The following ZNF341 variants were observed in gnomAD, a reference collection of about 807,000 sequenced individuals.
ZNF341 encodes zinc finger protein 341.
A neutral mutation model predicts 87.7 loss-of-function variants in ZNF341; 52 were observed. The ratio of observed to expected loss-of-function variants is 0.59; its 90% CI spans 0.47 to 0.75. ZNF341 has a LOEUF of 0.75. Ranked by LOEUF, ZNF341 falls within the 30% of genes least tolerant of loss-of-function variation. The pLI is 0.00. For synonymous variants in ZNF341, 459 were observed against 472.7 expected, an observed-to-expected ratio of 0.97 and a Z score of 0.38; for missense variants, 977 against 1,145.9, an observed-to-expected ratio of 0.85 and a Z score of 2.13.
chr20:33,771,526 G>T (rs997525571), intron 10 of ZNF341, among the ~76,000 whole-genome samples: 1 of 151,988 alleles, frequency 6.6e-6, no homozygotes, highest in Non-Finnish European at 1.5e-5. Context: ...GATTACAGGC[G>T]TGAGCCACTG....
Position 33,791,690 on chromosome 20 carries a change from C to G in ZNF341, c.*173C>G. On this transcript the variant is annotated 3_prime_UTR_variant, in exon 15 of 15. Coordinates refer to ENST00000375200, the MANE Select transcript of ZNF341 (RefSeq NM_001282933.2). ...CCCATGGTCGCCCTCCTGTGCCCCT[C>G]TCCTGCCGGAAAGCCCTGCAACATT... The G allele has an allele frequency of 1.4e-6, 1 of 725,150 alleles. No homozygotes were observed. The highest frequency in any genetic ancestry group is 2.1e-6 in the Non-Finnish European group (1 of 467,870). 44.9% of individuals were successfully genotyped at this position (725,150 alleles called of 1,614,324 possible).
chr20:33,787,627 T>C (rs2019895580), intron 12 of ZNF341: 1 of 152,206 alleles, frequency 6.6e-6, no homozygotes, highest in Non-Finnish European at 1.5e-5. Flanking sequence ...AGGCAAGAGC[T>C]GCCCCAGGAC....
At chr20:33,764,561 A>ATATATATATATATATATATATTTT (rs1266929824) in intron 8 of ZNF341, among the ~76,000 whole-genome samples, 3 of 28,412 alleles carry the variant, frequency 1.1e-4, no homozygotes, top group Non-Finnish European at 1.3e-4. Flanking sequence ...ATATATATAT[A>ATATATATATATATATATATATTTT]TTTTTTTTTT....
At chr20:33,774,499 A>G (rs2019592464) in intron 10 of ZNF341, among the ~76,000 whole-genome samples, 1 of 152,224 alleles carries the variant, frequency 6.6e-6, no homozygotes, top group Admixed American at 6.5e-5. Flanking sequence ...GTTTACAGAT[A>G]TGGATACAGA....
At chr20:33,760,077 G>A (rs577200623) in intron 7 of ZNF341, among the ~76,000 whole-genome samples, 87 of 152,322 alleles carry the variant, frequency 5.7e-4, no homozygotes, top group African/African-American at 1.9e-3. Context: ...AAGTGCTGTC[G>A]CTGTCCAATA....
At chr20:33,749,174 C>A in intron 4 of ZNF341, 102 bp downstream of exon 4, 1 of 1,434,434 alleles carries the variant, frequency 7.0e-7, no homozygotes, top group South Asian at 1.5e-5. Flanking sequence ...GGCCCCAGCT[C>A]TCCCTGATGC....
intron 10 of ZNF341, among the ~76,000 whole-genome samples, chr20:33,775,661 G>A (rs2019613619): frequency 6.6e-6 from 1 of 152,044 alleles, no homozygotes; most frequent in African/African-American, 2.4e-5. Flanking sequence ...TGTTCGAAAA[G>A]TGTTCTTTGT....
chr20:33,771,993 G>A (rs115879816), intron 10 of ZNF341, among the ~76,000 whole-genome samples: 2,215 of 107,412 alleles, frequency 0.021, 28 homozygotes, highest in African/African-American at 0.055. Flanking sequence ...CAGCCTGAGC[G>A]ACAGAGACGC....
At position 33,791,505 on chromosome 20, in the gene ZNF341, G is replaced by C; in HGVS notation, c.2553G>C (p.Gln851His). 3.2e-6 allele frequency: 5 copies of C among 1,561,856 alleles called. No individual in the cohort carries two copies. Among genetic ancestry groups the C allele is most frequent in the Non-Finnish European group, 4.3e-6 (5 of 1,156,532 alleles). ...TGCTCGCTGTGCCCGTCTACATCCA[G>C]GCCTCCGAGTGACGGACCTGAGGTG... Reference protein sequence around the residue: ...CAMLAVPVYIQASE With the variant: ...CAMLAVPVYIHASE Residue 851 changes from glutamine to histidine, a missense_variant, in exon 15 of 15, where the codon CAG becomes CAC. Gln to His is a conservative substitution (Grantham distance 24, BLOSUM62 0). Around this residue, in one of 3 missense-constraint regions of ZNF341, gnomAD observed 221 missense variants for 212.7 expected, o/e 1.04. Transcript: ENST00000375200.
intron 4 of ZNF341, chr20:33,752,091 G>C: frequency 2.5e-6 from 1 of 403,940 alleles, no homozygotes; most frequent in Non-Finnish European, 4.8e-6. Flanking sequence ...CCAGTCACGA[G>C]CTAGTGCTGC....
Position 33,745,227 on chromosome 20 carries a change from C to A in ZNF341, c.267C>A (p.Ala89=). 3 of 1,614,224 alleles carry A rather than the reference C, an allele frequency of 1.9e-6. No individual in the cohort carries two copies. In the South Asian group the frequency reaches 3.3e-5, roughly 18 times the overall value. ...NAPALATVSL[A]TNSIYPPSAA... ...CCGCCCTGGCCACAGTCTCACTGGC[C>A]ACCAACAGCATCTACCCACCTTCGG... Residue 89 remains alanine (A), a synonymous_variant, in exon 3 of 15, where the codon GCC becomes GCA. Coordinates refer to ENST00000375200, the MANE Select transcript of ZNF341 (RefSeq NM_001282933.2).
chr20:33,791,008 G>GC lies in ZNF341; in HGVS notation c.2059dup (p.Leu687ProfsTer83), dbSNP rs1568597724. ...TCCAGGCATGAAGCTCCACAAATGC[G>GC]CCCTGTGCAGCAAGTCCTTCAGCCG... On this transcript the variant is annotated frameshift_variant, in exon 15 of 15. Transcript: ENST00000375200. LOFTEE classifies it high-confidence loss of function. 9 of 1,612,826 alleles carry GC rather than the reference G, an allele frequency of 5.6e-6. No individual in the cohort carries two copies. Among genetic ancestry groups the GC allele is most frequent in the Non-Finnish European group, 6.8e-6 (8 of 1,179,694 alleles).
At chr20:33,782,193 A>G (rs575670716) in intron 11 of ZNF341, among the ~76,000 whole-genome samples, 1 of 152,282 alleles carries the variant, frequency 6.6e-6, no homozygotes, top group Non-Finnish European at 1.5e-5. Flanking sequence ...TCCAATTTCT[A>G]GTTGTCTCAA....
chr20:33,762,698 C>A (rs74425394), intron 8 of ZNF341, among the ~76,000 whole-genome samples: 1 of 152,010 alleles, frequency 6.6e-6, no homozygotes, highest in Non-Finnish European at 1.5e-5. Flanking sequence ...CCCCAGCCCC[C>A]CGACAGGCCC....
chr20:33,791,427 C>A lies in ZNF341; in HGVS notation c.2475C>A (p.Gly825=). 6.2e-7 allele frequency: 1 copy of A among 1,611,232 alleles called. No homozygotes were observed. The highest frequency in any genetic ancestry group is 1.1e-5 in the South Asian group (1 of 90,972). Residue 825 remains glycine (G), a synonymous_variant, in exon 15 of 15, where the codon GGC becomes GGA. Coordinates refer to ENST00000375200, the MANE Select transcript of ZNF341 (RefSeq NM_001282933.2). ...TACCTGGACACGCTGAGGGGCTGGG[C>A]TCCAACCTGGCTCTGGCGGAGCTGC... ...LVVPGHAEGL[G]SNLALAELQA...
intron 5 of ZNF341, among the ~76,000 whole-genome samples, chr20:33,756,112 A>G (rs566878560): frequency 6.6e-6 from 1 of 151,834 alleles, no homozygotes; most frequent in Admixed American, 6.6e-5. Context: ...TATCCCAGCT[A>G]TTTGGTGGGG....
Position 33,732,181 on chromosome 20 carries a change from GGGGCGGGAGGGGCGC to G in ZNF341, c.31+138_31+152del, listed in dbSNP as rs1490349592. ...AGGGCGCCGGGGCTGGAACAGCCGC[GGGGCGGGAGGGGCGC>G]GGGCGGGAACAGCGCGGGAGCCGAG... is the stretch of plus-strand genomic sequence containing the variant. On this transcript the variant is annotated intron_variant, in intron 1 of 14. Coordinates refer to ENST00000375200, the MANE Select transcript of ZNF341 (RefSeq NM_001282933.2). This position sits in a 1 kb window ranked among gnomAD's most constrained non-coding sequence, Gnocchi z 4.5. The G allele has an allele frequency of 4.4e-6, 3 of 677,388 alleles. No homozygotes were observed. The highest frequency in any genetic ancestry group is 2.0e-5 in the African/African-American group (1 of 50,932). The allele number at this position is 677,388 out of a possible 1,614,324, so 42.0% of individuals were successfully genotyped here. A position where few individuals can be genotyped will look rare whatever the true frequency, so the allele number is the denominator to read the frequency against.
intron 2 of ZNF341, among the ~76,000 whole-genome samples, chr20:33,743,487 G>T (rs2018854379): frequency 6.6e-6 from 1 of 151,414 alleles, no homozygotes; most frequent in Non-Finnish European, 1.5e-5. Flanking sequence ...TTACAGGCAT[G>T]CACCATCATG....
At chr20:33,779,924 G>A (rs1181014152) in intron 10 of ZNF341, among the ~76,000 whole-genome samples, 1 of 152,204 alleles carries the variant, frequency 6.6e-6, no homozygotes, top group African/African-American at 2.4e-5. Flanking sequence ...CTTGTGAATG[G>A]GCAAGATGTG....
Sources: gnomAD v4.1 joint callset for allele counts (sites outside exome capture counted in the v4.1 genomes callset) on GRCh38, gnomAD v4.1.1 for gene constraint, gnomAD v4.1.1 regional missense constraint, Gnocchi (gnomAD v3.1) non-coding constraint, MANE v1.5 for transcripts, NCBI Gene and HGNC (gene_info 2026-07-23, HGNC 2026-07-21) for gene names.